The following LRRC75A variants were observed in gnomAD, a reference collection of about 807,000 sequenced individuals.
The protein encoded by LRRC75A is leucine rich repeat containing 75A.
In LRRC75A, 12 loss-of-function variants were observed where a neutral mutation model predicts 26.0. The ratio of observed to expected loss-of-function variants is 0.46; its 90% CI spans 0.30 to 0.75. The LOEUF (loss-of-function observed/expected upper bound fraction) is 0.75, where lower values mean the gene tolerates loss of function less well. Among genes scored for constraint, LRRC75A ranks in the 30% least tolerant of loss-of-function variants. LRRC75A has a pLI of 0.08. For synonymous variants in LRRC75A, 223 were observed against 219.3 expected (o/e 1.02, Z -0.15); for missense variants, 410 against 486.6 (o/e 0.84, Z 1.48).
intron 1 of LRRC75A, among the ~76,000 whole-genome samples, chr17:16,484,862 A>T (rs2143433646): frequency 6.6e-6 from 1 of 152,194 alleles, no homozygotes; most frequent in South Asian, 2.1e-4. Context: ...CTCCTGGTTA[A>T]GATAAAGTTA....
At chr17:16,468,239 A>T (rs1240102411) in intron 1 of LRRC75A, among the ~76,000 whole-genome samples, 1 of 152,266 alleles carries the variant, frequency 6.6e-6, no homozygotes, top group African/African-American at 2.4e-5. Flanking sequence ...AACTGAAAGC[A>T]GGCACTCAAA....
In LRRC75A at chr17:16,442,059, T is replaced by A. The variant is rs1469798520; in HGVS notation, c.*1529A>T. On this transcript the variant is annotated 3_prime_UTR_variant, in exon 4 of 4. Transcript: ENST00000470794. ...ATTTGAAGAAAAAGTAAATTTCGCC[T>A]ACTGTTGTCAGATATTAGCAGTCCA... is the stretch of plus-strand genomic sequence containing the variant. 2 of 152,532 alleles carry A rather than the reference T, an allele frequency of 1.3e-5. No individual in the cohort carries two copies. Among genetic ancestry groups the A allele is most frequent in the African/African-American group, 4.8e-5 (2 of 41,464 alleles). 9.4% of individuals were successfully genotyped at this position (152,532 alleles called of 1,614,324 possible). A position where few individuals can be genotyped will look rare whatever the true frequency, so the allele number is the denominator to read the frequency against.
intron 1 of LRRC75A, among the ~76,000 whole-genome samples, chr17:16,468,038 G>T (rs16959738): frequency 0.03 from 4,607 of 152,214 alleles, 215 homozygotes; most frequent in African/African-American, 0.11. Context: ...GATCCAAAAA[G>T]CCCCGTAAAA....
chr17:16,479,636 C>T (rs956697351), intron 1 of LRRC75A, among the ~76,000 whole-genome samples: 1 of 152,216 alleles, frequency 6.6e-6, no homozygotes, highest in African/African-American at 2.4e-5. Context: ...GACTCAGTCA[C>T]TGAATGGCCT....
chr17:16,461,461 C>T (rs181713420), intron 2 of LRRC75A, among the ~76,000 whole-genome samples: 36 of 152,370 alleles, frequency 2.4e-4, no homozygotes, highest in Admixed American at 9.8e-4. Context: ...CTCCCCTTCC[C>T]GCCAGGTCGG....
Position 16,491,687 on chromosome 17 carries a change from C to G in LRRC75A, c.246+58G>C. ...CCTCGGTTAGGGATGGGGCGCCCCC[C>G]CCGGCCCAGCACGCCCCCTGGCCCG... On this transcript the variant is annotated intron_variant, in intron 1 of 3. Coordinates refer to ENST00000470794, the MANE Select transcript of LRRC75A (RefSeq NM_001113567.3). The surrounding 1 kb of genome is among the most constrained non-coding windows in gnomAD (Gnocchi z 5.9). 2 of 1,211,312 alleles carry G rather than the reference C, an allele frequency of 1.7e-6. No homozygotes were observed. Among genetic ancestry groups the G allele is most frequent in the Non-Finnish European group, 1.0e-6 (1 of 958,218 alleles). The allele number at this position is 1,211,312 out of a possible 1,614,324, so 75.0% of individuals were successfully genotyped here. A position where few individuals can be genotyped will look rare whatever the true frequency, so the allele number is the denominator to read the frequency against.
At chr17:16,479,372 G>C (rs2093828302) in intron 1 of LRRC75A, among the ~76,000 whole-genome samples, 1 of 152,324 alleles carries the variant, frequency 6.6e-6, no homozygotes, top group Middle Eastern at 3.4e-3. Flanking sequence ...TGGGAGAAGG[G>C]CTAAAGCTCA....
intron 1 of LRRC75A, among the ~76,000 whole-genome samples, chr17:16,472,844 A>G (rs1030198537): frequency 3.9e-5 from 6 of 152,226 alleles, no homozygotes; most frequent in East Asian, 1.9e-4. Flanking sequence ...ATTAAATTTC[A>G]AGAACTATTT....
At chr17:16,446,027 G>C (rs1024248209) in intron 3 of LRRC75A, among the ~76,000 whole-genome samples, 3 of 152,216 alleles carry the variant, frequency 2.0e-5, no homozygotes, top group African/African-American at 7.2e-5. Flanking sequence ...TCCTGCCTCA[G>C]CCTTCTGAGT....
intron 3 of LRRC75A, among the ~76,000 whole-genome samples, chr17:16,445,054 G>A (rs2093570293): frequency 6.7e-6 from 1 of 150,166 alleles, no homozygotes; most frequent in Non-Finnish European, 1.5e-5. Context: ...TCACCATGTT[G>A]GCCAGACTGG....
At chr17:16,480,299 C>T (rs1414008157) in intron 1 of LRRC75A, among the ~76,000 whole-genome samples, 1 of 152,158 alleles carries the variant, frequency 6.6e-6, no homozygotes, top group Admixed American at 6.5e-5. Context: ...CATGGAAAAA[C>T]TGTCTTCCAG....
At chr17:16,480,109 C>T (rs767775711) in intron 1 of LRRC75A, among the ~76,000 whole-genome samples, 1 of 152,250 alleles carries the variant, frequency 6.6e-6, no homozygotes, top group Non-Finnish European at 1.5e-5. Context: ...CTCCCTGTCT[C>T]CTGTCACCCC....
intron 1 of LRRC75A, among the ~76,000 whole-genome samples, chr17:16,488,631 C>T (rs2093851538): frequency 6.6e-6 from 1 of 152,160 alleles, no homozygotes; most frequent in African/African-American, 2.4e-5. Context: ...GACTGAGGAC[C>T]GGAAGGCGAG....
At position 16,462,810 on chromosome 17, in the gene LRRC75A, T is replaced by C. The variant is rs2093738260; in HGVS notation, c.247-424A>G. On this transcript the variant is annotated intron_variant, in intron 1 of 3. Coordinates refer to ENST00000470794, the MANE Select transcript of LRRC75A (RefSeq NM_001113567.3). The surrounding 1 kb of genome is among the most constrained non-coding windows in gnomAD (Gnocchi z 4.6). Reference sequence around the variant, plus strand: ...TGTGTTTTCTTCCTGCTTCTGACGTTGTTTTTACTGCTCCTTCTGTAGCCG... The same window carrying C: ...TGTGTTTTCTTCCTGCTTCTGACGTCGTTTTTACTGCTCCTTCTGTAGCCG... 5.5e-6 allele frequency: 1 copy of C among 183,342 alleles called. No individual in the cohort carries two copies. Among genetic ancestry groups the C allele is most frequent in the Non-Finnish European group, 1.1e-5 (1 of 87,098 alleles). The allele number at this position is 183,342 out of a possible 1,614,324, so 11.4% of individuals were successfully genotyped here. A position where few individuals can be genotyped will look rare whatever the true frequency, so the allele number is the denominator to read the frequency against.
At position 16,441,718 on chromosome 17, in the gene LRRC75A, C is replaced by T; in HGVS notation, c.*1870G>A. On this transcript the variant is annotated 3_prime_UTR_variant, in exon 4 of 4. Transcript: ENST00000470794. ...AGCTGGGACTACAGCTCACAGCACA[C>T]CTGGCTAAAATTTTTTTTTTGTTGA... The T allele has an allele frequency of 4.2e-6, 1 of 235,580 alleles. No individual in the cohort carries two copies. The highest frequency in any genetic ancestry group is 4.6e-5 in the South Asian group (1 of 21,948). The allele number at this position is 235,580 out of a possible 1,614,324, so 14.6% of individuals were successfully genotyped here. A position where few individuals can be genotyped will look rare whatever the true frequency, so the allele number is the denominator to read the frequency against.
chr17:16,482,089 C>A (rs942712388), intron 1 of LRRC75A, among the ~76,000 whole-genome samples: 8 of 152,112 alleles, frequency 5.3e-5, no homozygotes, highest in Non-Finnish European at 1.2e-4. Context: ...GCCCCCGGTG[C>A]CAATGGAGAG....
rs775338348 is a variant in LRRC75A at position 16,444,048 on chromosome 17, C to A, written c.575G>T (p.Arg192Leu). Reference protein sequence around the residue: ...GIPLTSRDLERVTSYLQRCGE... With the variant: ...GIPLTSRDLELVTSYLQRCGE... ...ACAGCGCTGTAGGTAGCTGGTCACC[C>A]GCTCCAGGTCTCGGGAGGTCAGTGG... Residue 192 changes from arginine (R) to leucine (L), a missense_variant, in exon 4 of 4, where the codon CGG becomes CTG. By Grantham distance (102) the Arg-to-Leu change is moderately radical. Transcript: ENST00000470794. The A allele has an allele frequency of 9.9e-6, 16 of 1,613,216 alleles. No individual in the cohort carries two copies. Among genetic ancestry groups the A allele is most frequent in the African/African-American group, 1.3e-5 (1 of 74,918 alleles).
chr17:16,467,774 A>G (rs2093780664), intron 1 of LRRC75A, among the ~76,000 whole-genome samples: 1 of 152,230 alleles, frequency 6.6e-6, no homozygotes, highest in African/African-American at 2.4e-5. Context: ...GGACAGCCCT[A>G]GCACACTGTC....
chr17:16,468,537 G>A lies in LRRC75A; in HGVS notation c.247-6151C>T, dbSNP rs1385273682. On this transcript the variant is annotated intron_variant, in intron 1 of 3. Transcript: ENST00000470794. ...ATTCATACAGACAGAAAGTAGAATG[G>A]TGGGTACTACCAGGGGCTGGGGGGA... is the stretch of plus-strand genomic sequence containing the variant. 3.0e-4 allele frequency among the ~76,000 whole-genome samples: 46 copies of A among 152,302 alleles called. 1 individual carries two copies. The highest frequency in any genetic ancestry group is 7.4e-5 in the Non-Finnish European group (5 of 68,018).
Sources: allele counts gnomAD v4.1 joint callset (sites outside exome capture counted in the v4.1 genomes callset), GRCh38; gene constraint gnomAD v4.1.1; non-coding constraint Gnocchi (gnomAD v3.1); transcripts MANE v1.5; gene names NCBI Gene and HGNC (gene_info 2026-07-23, HGNC 2026-07-21).